The following FAM170B variants were observed in gnomAD, a reference collection of about 807,000 sequenced individuals.
FAM170B encodes protein FAM170B.
A neutral mutation model predicts 3.9 loss-of-function variants in FAM170B; 4 were observed. That is an observed-to-expected ratio of 1.01 (90% confidence interval 0.50 to 2.32). FAM170B has a LOEUF of 2.32. Among genes scored for constraint, FAM170B ranks in the 30% most tolerant of loss-of-function variants. FAM170B has a pLI of 0.02. For missense variants in FAM170B, 417 were observed against 368.6 expected (o/e 1.13, Z -1.07); for synonymous variants, 163 against 149.8 (o/e 1.09, Z -0.64).
Position 49,132,338 on chromosome 10 carries a change from C to A in FAM170B, c.127G>T (p.Glu43Ter). 1 of 1,546,104 alleles carries A rather than the reference C, an allele frequency of 6.5e-7. No individual in the cohort carries two copies. Among genetic ancestry groups the A allele is most frequent in the Non-Finnish European group, 8.7e-7 (1 of 1,145,186 alleles). ...GGCCCCGGCCGTGGGGACGACCCTTCTCTCTGTATAGTCCCTGAGAAGCAG... is the reference window on the plus strand; with the variant it reads ...GGCCCCGGCCGTGGGGACGACCCTTATCTCTGTATAGTCCCTGAGAAGCAG... ...EVFWPGTIQREGSSPRPGPAI... is the reference protein window; with the variant it reads ...EVFWPGTIQR The change falls in exon 2 of 2, where the codon GAA becomes TAA. Residue 43 changes from glutamate to a stop codon, truncating the protein, a stop_gained. Transcript: ENST00000311787. LOFTEE classifies it low-confidence loss of function (END_TRUNC).
In FAM170B at chr10:49,133,940, G is replaced by T. The variant is rs1845218581; in HGVS notation, c.-22C>A. 9 of 1,535,614 alleles carry T rather than the reference G, an allele frequency of 5.9e-6. No individual in the cohort carries two copies. Among genetic ancestry groups the T allele is most frequent in the East Asian group, 4.9e-5 (2 of 40,852 alleles). On this transcript the variant is annotated 5_prime_UTR_variant, in exon 1 of 2. Transcript: ENST00000311787. ...TCATGATTTGAAATGAGTGCCCAGG[G>T]TGTCGGTGCTCCAGCTGTTCAGTGA...
Position 49,132,227 on chromosome 10 carries a change from A to G in FAM170B, c.238T>C (p.Ser80Pro), listed in dbSNP as rs1845197417. ...DWSSSPSSESSEYQSYSQYQS... is the reference protein window; with the variant it reads ...DWSSSPSSESPEYQSYSQYQS... ...TACTGGGAGTAGGACTGGTACTCGG[A>G]GGACTCTGAGGATGGGGAGCTGCTC... The change falls in exon 2 of 2, where the codon TCC becomes CCC. Residue 80 changes from serine to proline, a missense_variant. Transcript: ENST00000311787. 6.4e-7 allele frequency: 1 copy of G among 1,551,654 alleles called. No individual in the cohort carries two copies. Among genetic ancestry groups the G allele is most frequent in the African/African-American group, 1.4e-5 (1 of 73,170 alleles).
intron 1 of FAM170B, among the ~76,000 whole-genome samples, chr10:49,133,116 A>C (rs186621398): frequency 6.6e-6 from 1 of 152,264 alleles, no homozygotes; most frequent in East Asian, 1.9e-4. Flanking sequence ...CATAAAAGAC[A>C]CCTCAGTAAA....
rs1454005252 is a variant in FAM170B, at chr10:49,132,243, G to A, written c.222C>T (p.Ser74=). ...GGTACTCGGAGGACTCTGAGGATGG[G>A]GAGCTGCTCCAGTCCCGCATCCCCC... The part of the protein sequence containing the change: ...RDRGMRDWSS[S]PSSESSEYQS... The change falls in exon 2 of 2, where the codon TCC becomes TCT. Residue 74 remains serine, a synonymous_variant. Transcript: ENST00000311787. The A allele has an allele frequency of 6.4e-7, 1 of 1,551,622 alleles. No individual in the cohort carries two copies. Among genetic ancestry groups the A allele is most frequent in the South Asian group, 1.2e-5 (1 of 84,060 alleles).
rs1590156045 is a variant in FAM170B at position 49,131,398 on chromosome 10, G to A, written c.*215C>T. The A allele has an allele frequency of 1.0e-5, 6 of 576,728 alleles. No homozygotes were observed. In the East Asian group the frequency reaches 1.5e-4, roughly 14 times the overall value. The allele number at this position is 576,728 out of a possible 1,614,324, so 35.7% of individuals were successfully genotyped here. A position where few individuals can be genotyped will look rare whatever the true frequency, so the allele number is the denominator to read the frequency against. On this transcript the variant is annotated 3_prime_UTR_variant, in exon 2 of 2. Coordinates refer to ENST00000311787, the MANE Select transcript of FAM170B (RefSeq NM_001164484.2). ...AGAAACACTCAAAGCCCTCTCGTTT[G>A]GGTTTTGAAATGGACTCTGGTGGAG...
In FAM170B at chr10:49,131,835, G is replaced by GC. The variant is rs1288607297; in HGVS notation, c.629dup (p.Cys210TrpfsTer29). 6.5e-7 allele frequency: 1 copy of GC among 1,547,430 alleles called. No homozygotes were observed. Among genetic ancestry groups the GC allele is most frequent in the African/African-American group, 1.4e-5 (1 of 73,200 alleles). On this transcript the variant is annotated frameshift_variant, in exon 2 of 2. Transcript: ENST00000311787. LOFTEE classifies it low-confidence loss of function (END_TRUNC). The stretch of plus-strand genomic sequence containing the variant: ...GAGCGTCCAGGGAGGGCAAGACCCT[G>GC]CAGCAGGCCACGCAGCGCACCCCGT...
At chr10:49,132,394 A>G (rs1845200781) in intron 1 of FAM170B, 42 bp from the exon 2 acceptor site, 2 of 1,477,512 alleles carry the variant, frequency 1.4e-6, no homozygotes, top group Admixed American at 4.5e-5. Flanking sequence ...CCTTTAAGGG[A>G]TCAATGCCAC....
chr10:49,132,026 G>T lies in FAM170B; in HGVS notation c.439C>A (p.Gln147Lys). The T allele has an allele frequency of 6.4e-7, 1 of 1,551,770 alleles. No homozygotes were observed. Among genetic ancestry groups the T allele is most frequent in the Non-Finnish European group, 8.7e-7 (1 of 1,146,996 alleles). ...RIHEAQFIKRQRWNGSSFEMA... is the reference protein window; with the variant it reads ...RIHEAQFIKRKRWNGSSFEMA... ...TCGAAGGAGGAGCCGTTCCACCTCT[G>T]CCTCTTGATGAACTGGGCTTCATGG... is the stretch of plus-strand genomic sequence containing the variant. The change falls in exon 2 of 2, where the codon CAG (glutamine) becomes AAG (lysine). Residue 147 changes from glutamine (Q) to lysine (K), a missense_variant. Coordinates refer to ENST00000311787, the MANE Select transcript of FAM170B (RefSeq NM_001164484.2).
rs750674253 is a variant in FAM170B, at chr10:49,132,104, C to G, written c.361G>C (p.Val121Leu). 6 of 1,551,786 alleles carry G rather than the reference C, an allele frequency of 3.9e-6. No homozygotes were observed. The highest frequency in any genetic ancestry group is 5.2e-6 in the Non-Finnish European group (6 of 1,147,008). Reference sequence around the variant, plus strand: ...AAGCCGGCCTCCGTCTCCCAGGCCACAGCCACACCCCGCACAGTCTGCACG... The same window carrying G: ...AAGCCGGCCTCCGTCTCCCAGGCCAGAGCCACACCCCGCACAGTCTGCACG... Reference protein sequence around the residue: ...THVQTVRGVAVAWETEAGFEP... With the variant: ...THVQTVRGVALAWETEAGFEP... The change falls in exon 2 of 2, where the codon GTG becomes CTG. Residue 121 changes from valine (V) to leucine (L), a missense_variant. Val to Leu is a conservative substitution (Grantham distance 32). Coordinates refer to ENST00000311787, the MANE Select transcript of FAM170B (RefSeq NM_001164484.2).
chr10:49,133,139 A>C (rs1489485576), intron 1 of FAM170B, among the ~76,000 whole-genome samples: 1 of 152,244 alleles, frequency 6.6e-6, no homozygotes, highest in Admixed American at 6.5e-5. Flanking sequence ...CCATTTAAAA[A>C]ACAACACATG....
chr10:49,131,497 C>T lies in FAM170B; in HGVS notation c.*116G>A, dbSNP rs1845180537. The T allele has an allele frequency of 1.4e-6, 2 of 1,403,504 alleles. No individual in the cohort carries two copies. Among genetic ancestry groups the T allele is most frequent in the African/African-American group, 2.9e-5 (2 of 69,042 alleles). 86.9% of individuals were successfully genotyped at this position (1,403,504 alleles called of 1,614,324 possible). A position where few individuals can be genotyped will look rare whatever the true frequency, so the allele number is the denominator to read the frequency against. On this transcript the variant is annotated 3_prime_UTR_variant, in exon 2 of 2. Coordinates refer to ENST00000311787, the MANE Select transcript of FAM170B (RefSeq NM_001164484.2). ...CCTTGCTCTACACTCCATGCCTTTC[C>T]TTCCCCCTGACCCTGGTCCTCTCTC...
At chr10:49,133,448 A>G (rs1845211930) in intron 1 of FAM170B, among the ~76,000 whole-genome samples, 1 of 152,222 alleles carries the variant, frequency 6.6e-6, no homozygotes, top group African/African-American at 2.4e-5. Context: ...GCGGTCTTCA[A>G]ATTGATGTTC....
Position 49,134,011 on chromosome 10 carries a change from G to A in FAM170B, c.-93C>T. The A allele has an allele frequency of 2.1e-6, 2 of 946,694 alleles. No individual in the cohort carries two copies. Among genetic ancestry groups the A allele is most frequent in the Non-Finnish European group, 3.3e-6 (2 of 600,078 alleles). 58.6% of individuals were successfully genotyped at this position (946,694 alleles called of 1,614,324 possible). A position where few individuals can be genotyped will look rare whatever the true frequency, so the allele number is the denominator to read the frequency against. ...GAAGGCCTCCAGCTGGCCCCAGCCA[G>A]AGTGGACACTGAGCTCCCCATGGTC... On this transcript the variant is annotated 5_prime_UTR_variant, in exon 1 of 2. Transcript: ENST00000311787.
Position 49,133,992 on chromosome 10 carries a change from C to A in FAM170B, c.-74G>T. 1 of 1,207,176 alleles carries A rather than the reference C, an allele frequency of 8.3e-7. No homozygotes were observed. Among genetic ancestry groups the A allele is most frequent in the Admixed American group, 2.0e-5 (1 of 50,428 alleles). The allele number at this position is 1,207,176 out of a possible 1,614,324, so 74.8% of individuals were successfully genotyped here. A position where few individuals can be genotyped will look rare whatever the true frequency, so the allele number is the denominator to read the frequency against. The stretch of plus-strand genomic sequence containing the variant: ...AGTTGGCTGGGGCTGTACTGAAGGC[C>A]TCCAGCTGGCCCCAGCCAGAGTGGA... On this transcript the variant is annotated 5_prime_UTR_variant, in exon 1 of 2. The change creates a new upstream start codon in the 5' untranslated region. Transcript: ENST00000311787.
Position 49,131,537 on chromosome 10 carries a change from T to G in FAM170B, c.*76A>C. ...GGTCCTCTCTCCCTGCCCTAGTGGC[T>G]CTGATACTGCTGGCTGGGGAAGGAG... is the stretch of plus-strand genomic sequence containing the variant. On this transcript the variant is annotated 3_prime_UTR_variant, in exon 2 of 2. Coordinates refer to ENST00000311787, the MANE Select transcript of FAM170B (RefSeq NM_001164484.2). 1 of 1,473,322 alleles carries G rather than the reference T, an allele frequency of 6.8e-7. No individual in the cohort carries two copies. The highest frequency in any genetic ancestry group is 1.4e-5 in the African/African-American group (1 of 71,088). 91.3% of individuals were successfully genotyped at this position (1,473,322 alleles called of 1,614,324 possible).
In FAM170B at chr10:49,131,305, A is replaced by C; in HGVS notation, c.*308T>G. On this transcript the variant is annotated 3_prime_UTR_variant, in exon 2 of 2. Coordinates refer to ENST00000311787, the MANE Select transcript of FAM170B (RefSeq NM_001164484.2). The stretch of plus-strand genomic sequence containing the variant: ...TACTTAGCAAGTGTGGACCTGCCTG[A>C]TCCACCGGCAAAAATAGAAATCCCT... 1 of 341,434 alleles carries C rather than the reference A, an allele frequency of 2.9e-6. No homozygotes were observed. Among genetic ancestry groups the C allele is most frequent in the Non-Finnish European group, 5.3e-6 (1 of 187,368 alleles). The allele number at this position is 341,434 out of a possible 1,614,324, so 21.2% of individuals were successfully genotyped here.
rs1454045779 is a variant in FAM170B at position 49,131,290 on chromosome 10, G to A, written c.*323C>T. 3.2e-6 allele frequency: 1 copy of A among 313,034 alleles called. No homozygotes were observed. 19.4% of individuals were successfully genotyped at this position (313,034 alleles called of 1,614,324 possible). Reference sequence around the variant, plus strand: ...CCTGTGACCCACATATACTTAGCAAGTGTGGACCTGCCTGATCCACCGGCA... The same window carrying A: ...CCTGTGACCCACATATACTTAGCAAATGTGGACCTGCCTGATCCACCGGCA... On this transcript the variant is annotated 3_prime_UTR_variant, in exon 2 of 2. Transcript: ENST00000311787.
chr10:49,134,021 T>C lies in FAM170B; in HGVS notation c.-103A>G, dbSNP rs1590157822. On this transcript the variant is annotated 5_prime_UTR_variant, in exon 1 of 2. Transcript: ENST00000311787. ...AGCTGGCCCCAGCCAGAGTGGACACTGAGCTCCCCATGGTCGCTAAGATCC... is the reference window on the plus strand; with the variant it reads ...AGCTGGCCCCAGCCAGAGTGGACACCGAGCTCCCCATGGTCGCTAAGATCC... 1.1e-5 allele frequency: 9 copies of C among 845,758 alleles called. No individual in the cohort carries two copies. Among genetic ancestry groups the C allele is most frequent in the African/African-American group, 6.7e-5 (4 of 59,910 alleles). The allele number at this position is 845,758 out of a possible 1,614,324, so 52.4% of individuals were successfully genotyped here.
rs1214029706 is a variant in FAM170B at position 49,132,289 on chromosome 10, A to C, written c.176T>G (p.Leu59Arg). 5 of 1,551,282 alleles carry C rather than the reference A, an allele frequency of 3.2e-6. No individual in the cohort carries two copies. Among genetic ancestry groups the C allele is most frequent in the Non-Finnish European group, 4.4e-6 (5 of 1,146,950 alleles). Reference protein sequence around the residue: ...PGPAIPREEGLYFAARDRGMR... With the variant: ...PGPAIPREEGRYFAARDRGMR... ...CCCCCGGTCCCTGGCAGCGAAGTAG[A>C]GGCCCTCCTCCCGGGGAATGGCAGG... Residue 59 changes from leucine to arginine, a missense_variant, in exon 2 of 2, where the codon CTC becomes CGC. Physicochemically the swap from Leu to Arg is moderately radical, Grantham distance 102. Transcript: ENST00000311787.
Sources: allele counts gnomAD v4.1 joint callset (sites outside exome capture counted in the v4.1 genomes callset), GRCh38; gene constraint gnomAD v4.1.1; transcripts MANE v1.5; gene names NCBI Gene and HGNC (gene_info 2026-07-23, HGNC 2026-07-21).